TFG: variants seen among roughly 807,000 people sequenced by gnomAD.
TFG encodes the protein trafficking from ER to golgi regulator, also known as protein TFG.
Under a neutral mutation model 51.4 loss-of-function variants are expected in TFG, and 22 were observed. The observed-to-expected ratio is 0.43, with a 90% CI of 0.31 to 0.61. The LOEUF (loss-of-function observed/expected upper bound fraction) is 0.61, where lower values mean the gene tolerates loss of function less well. TFG is among the 20% of genes least tolerant of loss of function. TFG has a pLI of 0.12. For missense variants in TFG, 419 were observed against 487.7 expected, an observed-to-expected ratio of 0.86 and a Z score of 1.33; for synonymous variants, 187 against 165.6, an observed-to-expected ratio of 1.13 and a Z score of -0.99.
chr3:100,740,542 A>T (rs2095118508), intron 6 of TFG, among the ~76,000 whole-genome samples: 2 of 152,182 alleles, frequency 1.3e-5, no homozygotes, highest in Admixed American at 1.3e-4. Context: ...CCTATTCAGT[A>T]TGTGAGGGAC....
intron 3 of TFG, among the ~76,000 whole-genome samples, chr3:100,723,292 A>T (rs574116853): frequency 1.3e-5 from 2 of 152,256 alleles, no homozygotes; most frequent in South Asian, 4.1e-4. Flanking sequence ...TAAGAGTTAT[A>T]ATTGAAAAAT....
chr3:100,723,581 T>A (rs2095066644), intron 3 of TFG, among the ~76,000 whole-genome samples: 1 of 152,196 alleles, frequency 6.6e-6, no homozygotes, highest in African/African-American at 2.4e-5. Context: ...CAAAGAAAGC[T>A]GGTTATTAAC....
intron 4 of TFG, among the ~76,000 whole-genome samples, chr3:100,730,110 A>G (rs2095087456): frequency 6.6e-6 from 1 of 152,214 alleles, no homozygotes; most frequent in African/African-American, 2.4e-5. Flanking sequence ...TTCCAGAAGA[A>G]TTCATAGATG....
intron 3 of TFG, among the ~76,000 whole-genome samples, chr3:100,725,451 C>A (rs2095072491): frequency 6.6e-6 from 1 of 151,468 alleles, no homozygotes; most frequent in African/African-American, 2.4e-5. Context: ...TATGCTGTTT[C>A]ATTTCTTAGT....
chr3:100,713,923 A>G lies in TFG; in HGVS notation c.184+54A>G, dbSNP rs9825075. ...AAGTCTTTTTAAAAAAAAAAAAAAA[A>G]AGACAGAGCCTCTGTTGCCCAGGCT... On this transcript the variant is annotated intron_variant, in intron 2 of 7. Coordinates refer to ENST00000240851, the MANE Select transcript of TFG (RefSeq NM_006070.6). 5.5e-3 allele frequency: 6,539 copies of G among 1,192,912 alleles called. 260 individuals are homozygous for G. The African/African-American group carries it at 0.088, about 16-fold the overall frequency. 73.9% of individuals were successfully genotyped at this position (1,192,912 alleles called of 1,614,324 possible).
chr3:100,713,081 C>G (rs1393897751), intron 1 of TFG, among the ~76,000 whole-genome samples: 1 of 152,200 alleles, frequency 6.6e-6, no homozygotes, highest in Non-Finnish European at 1.5e-5. Flanking sequence ...CTCTGGTGTT[C>G]TGAGACTAGA....
At chr3:100,712,775 A>G (rs2095034695) in intron 1 of TFG, among the ~76,000 whole-genome samples, 1 of 152,236 alleles carries the variant, frequency 6.6e-6, no homozygotes, top group South Asian at 2.1e-4. Flanking sequence ...ATAAAGCAGG[A>G]TAAGAAGATA....
chr3:100,720,480 G>A (rs2095057676), intron 3 of TFG, among the ~76,000 whole-genome samples: 1 of 152,240 alleles, frequency 6.6e-6, no homozygotes, highest in Non-Finnish European at 1.5e-5. Flanking sequence ...CTGGTTTCGT[G>A]TAAGACAGTT....
chr3:100,716,896 T>G (rs1174947648), intron 2 of TFG, among the ~76,000 whole-genome samples: 1 of 152,162 alleles, frequency 6.6e-6, no homozygotes, highest in African/African-American at 2.4e-5. Flanking sequence ...GGATTGATTG[T>G]TTTTTAGCTG....
At chr3:100,719,903 C>A in intron 2 of TFG, 72 bp from the exon 3 acceptor site, 4 of 874,508 alleles carry the variant, frequency 4.6e-6, no homozygotes, top group South Asian at 1.7e-5. Context: ...TTAATTTTTA[C>A]TAGTTTACTG....
intron 3 of TFG, among the ~76,000 whole-genome samples, chr3:100,724,069 A>C (rs2095068254): frequency 6.6e-6 from 1 of 152,192 alleles, no homozygotes; most frequent in South Asian, 2.1e-4. Flanking sequence ...GTAGATAATG[A>C]CTTCTATGTA....
Position 100,748,524 on chromosome 3 carries a change from A to G in TFG, c.1196A>G (p.Tyr399Cys), listed in dbSNP as rs1187296657. Residue 399 changes from tyrosine to cysteine, a missense_variant, in exon 8 of 8, where the codon TAT becomes TGT. Tyr to Cys is a radical substitution (Grantham distance 194). Coordinates refer to ENST00000240851, the MANE Select transcript of TFG (RefSeq NM_006070.6). ...GGCTATACCCAACCTGGACCTGGTT[A>G]TCGATAAGGAGGCTCCTCTACACCA... ...GQGYTQPGPG[Y>C]R 2.5e-6 allele frequency: 4 copies of G among 1,610,262 alleles called. No individual in the cohort carries two copies. The highest frequency in any genetic ancestry group is 2.5e-6 in the Non-Finnish European group (3 of 1,177,306).
chr3:100,732,620 A>T lies in TFG; in HGVS notation c.528A>T (p.Glu176Asp), dbSNP rs1285428012. The T allele has an allele frequency of 6.2e-7, 1 of 1,612,096 alleles. No homozygotes were observed. Among genetic ancestry groups the T allele is most frequent in the Non-Finnish European group, 8.5e-7 (1 of 1,179,132 alleles). ...SAFDPLKNQDEINKNVMSAFG... is the reference protein window; with the variant it reads ...SAFDPLKNQDDINKNVMSAFG... ...TTGATCCTTTAAAAAACCAAGATGA[A>T]ATCAATAAAAATGTTATGTCAGCGT... The change falls in exon 5 of 8, where the codon GAA becomes GAT. Residue 176 changes from glutamate to aspartate, a missense_variant. By Grantham distance (45) the Glu-to-Asp change is conservative. Transcript: ENST00000240851.
chr3:100,721,106 G>A (rs2095059636), intron 3 of TFG, among the ~76,000 whole-genome samples: 1 of 152,052 alleles, frequency 6.6e-6, no homozygotes, highest in South Asian at 2.1e-4. Flanking sequence ...TAAAATAAAG[G>A]TATCTTTTTA....
At chr3:100,747,353 T>C (rs928177522) in intron 7 of TFG, 2 of 150,718 alleles carry the variant, frequency 1.3e-5, no homozygotes, top group East Asian at 4.0e-4. Flanking sequence ...TTTTTTTTTT[T>C]AATGCAGGGT....
intron 1 of TFG, among the ~76,000 whole-genome samples, chr3:100,711,968 G>A (rs911995577): frequency 6.6e-6 from 1 of 152,162 alleles, no homozygotes; most frequent in African/African-American, 2.4e-5. Context: ...CTGTCTTCAC[G>A]AGAAGTCCAT....
intron 2 of TFG, among the ~76,000 whole-genome samples, chr3:100,716,626 C>T (rs1028647158): frequency 5.3e-5 from 8 of 152,168 alleles, no homozygotes; most frequent in African/African-American, 1.2e-4. Flanking sequence ...ACTGTTCTCC[C>T]TAGTGGCTGT....
chr3:100,724,032 A>G (rs984441155), intron 3 of TFG, among the ~76,000 whole-genome samples: 1 of 152,182 alleles, frequency 6.6e-6, no homozygotes, highest in Admixed American at 6.5e-5. Context: ...AAGTCAAAGA[A>G]GAAATAATAA....
chr3:100,730,096 A>G (rs752551115), intron 4 of TFG, among the ~76,000 whole-genome samples: 10 of 152,272 alleles, frequency 6.6e-5, no homozygotes, highest in Admixed American at 1.3e-4. Flanking sequence ...AAGTTAGACA[A>G]TTTTTCCAGA....
Sources: gnomAD v4.1 joint callset for allele counts (sites outside exome capture counted in the v4.1 genomes callset) on GRCh38, gnomAD v4.1.1 for gene constraint, MANE v1.5 for transcripts, NCBI Gene and HGNC (gene_info 2026-07-23, HGNC 2026-07-21) for gene names.